Variants in RYR3 observed in about 807,000 individuals in gnomAD.
RYR3 encodes ryanodine receptor 3.
A neutral mutation model predicts 584.3 loss-of-function variants in RYR3; 207 were observed. The ratio of observed to expected loss-of-function variants is 0.35; its 90% CI spans 0.32 to 0.40. The LOEUF (loss-of-function observed/expected upper bound fraction) is 0.40. Ranked by LOEUF, RYR3 falls within the 10% of genes least tolerant of loss-of-function variation. The pLI is 1.00. For synonymous variants in RYR3, 2,416 were observed against 2,248.5 expected (o/e 1.07, Z -2.11); for missense variants, 5,616 against 6,089.2 (o/e 0.92, Z 2.59).
rs115753137 is a variant in RYR3 at position 33,374,645 on chromosome 15, T to C, written c.51+63549T>C. 9.3e-3 allele frequency among the ~76,000 whole-genome samples: 1,412 copies of C among 152,250 alleles called. 21 individuals are homozygous for C. Among genetic ancestry groups the C allele is most frequent in the African/African-American group, 0.031 (1,305 of 41,536 alleles). ...ATCTGGAAGCCTGAATTTAATCTCA[T>C]TGGGGTTTAAAAAAATGACAACACA... is the stretch of plus-strand genomic sequence containing the variant. On this transcript the variant is annotated intron_variant, in intron 1 of 103. Transcript: ENST00000634891.
intron 66 of RYR3, among the ~76,000 whole-genome samples, chr15:33,787,169 A>G (rs371093075): frequency 6.6e-6 from 1 of 152,186 alleles, no homozygotes; most frequent in East Asian, 1.9e-4. Flanking sequence ...CAGACAGGCT[A>G]CTTACTTCTT....
chr15:33,669,042 A>T (rs1337431452), intron 36 of RYR3, among the ~76,000 whole-genome samples: 1 of 152,156 alleles, frequency 6.6e-6, no homozygotes, highest in Non-Finnish European at 1.5e-5. Context: ...ATGTGATCCC[A>T]TTCTGTGCGT....
chr15:33,492,304 A>C (rs2051030273), intron 2 of RYR3, among the ~76,000 whole-genome samples: 1 of 152,120 alleles, frequency 6.6e-6, no homozygotes, highest in African/African-American at 2.4e-5. Context: ...AGATACAAGA[A>C]CTTTTTCCAT....
intron 43 of RYR3, among the ~76,000 whole-genome samples, chr15:33,709,659 T>C (rs4779636): frequency 0.08 from 12,252 of 152,234 alleles, 1,059 homozygotes; most frequent in African/African-American, 0.22. Context: ...TGCCATGTTA[T>C]GATGCAGTGA....
At chr15:33,698,083 C>A (rs1024692738) in intron 40 of RYR3, 87 bp downstream of exon 40, 2 of 878,978 alleles carry the variant, frequency 2.3e-6, no homozygotes, top group Non-Finnish European at 1.9e-6. Flanking sequence ...GGCTGGTGTC[C>A]CTTGCCTCAG....
intron 60 of RYR3, among the ~76,000 whole-genome samples, chr15:33,766,294 A>AAAG (rs1390899206): frequency 6.7e-6 from 1 of 150,310 alleles, no homozygotes; most frequent in Non-Finnish European, 1.5e-5. Context: ...AAAAGAAAAA[A>AAAG]AAAAAAAGAA....
intron 22 of RYR3, 22 bp from the exon 23 acceptor site, chr15:33,631,185 GTCT>G: frequency 6.8e-7 from 1 of 1,460,396 alleles, no homozygotes; most frequent in Non-Finnish European, 9.4e-7. Context: ...GTTAACCTTA[GTCT>G]TCTCCTTCTG....
intron 93 of RYR3, 130 bp from the exon 94 acceptor site, chr15:33,848,161 G>A (rs2078844168): frequency 8.9e-7 from 1 of 1,117,996 alleles, no homozygotes; most frequent in East Asian, 2.4e-5. Flanking sequence ...CCACAACTAG[G>A]CACTCTAAGA....
chr15:33,392,796 C>A (rs569464610), intron 1 of RYR3, among the ~76,000 whole-genome samples: 6 of 152,216 alleles, frequency 3.9e-5, no homozygotes, highest in Non-Finnish European at 7.4e-5. Context: ...AGAAACCCAA[C>A]TGGATGAAAT....
intron 98 of RYR3, among the ~76,000 whole-genome samples, chr15:33,855,412 C>CA (rs1226170342): frequency 6.6e-6 from 1 of 152,182 alleles, no homozygotes; most frequent in African/African-American, 2.4e-5. Flanking sequence ...CCATGTTGGC[C>CA]AGGCTGGTCT....
intron 1 of RYR3, among the ~76,000 whole-genome samples, chr15:33,417,719 T>C (rs1206999083): frequency 1.3e-5 from 2 of 152,182 alleles, no homozygotes; most frequent in African/African-American, 2.4e-5. Flanking sequence ...TCCAGTACTA[T>C]GTTGAATAAG....
intron 67 of RYR3, among the ~76,000 whole-genome samples, chr15:33,795,400 T>TTTTTTC (rs2075548030): frequency 9.9e-6 from 1 of 101,064 alleles, no homozygotes; most frequent in Non-Finnish European, 2.2e-5. Context: ...TTTTTTTTTT[T>TTTTTTC]TTGTGAGACA....
chr15:33,429,914 A>G (rs1475566393), intron 1 of RYR3, among the ~76,000 whole-genome samples: 1 of 152,206 alleles, frequency 6.6e-6, no homozygotes, highest in East Asian at 1.9e-4. Context: ...GAATAGCAGC[A>G]GGGGGAAAAA....
At chr15:33,753,161 A>G (rs550581930) in intron 57 of RYR3, among the ~76,000 whole-genome samples, 2 of 152,346 alleles carry the variant, frequency 1.3e-5, no homozygotes, top group African/African-American at 4.8e-5. Flanking sequence ...GGAAGCCTGC[A>G]ATTGCAGGTC....
At chr15:33,657,593 T>C (rs1351770891) in intron 32 of RYR3, among the ~76,000 whole-genome samples, 1 of 152,220 alleles carries the variant, frequency 6.6e-6, no homozygotes, top group East Asian at 1.9e-4. Flanking sequence ...TATTCATGTC[T>C]CATCACCATG....
chr15:33,608,343 T>A (rs1260524113), intron 18 of RYR3, among the ~76,000 whole-genome samples: 4 of 152,192 alleles, frequency 2.6e-5, no homozygotes, highest in Admixed American at 2.6e-4. Flanking sequence ...CTTGTCTAAA[T>A]GTGGAATACA....
At chr15:33,671,669 A>G (rs2063842041) in intron 38 of RYR3, among the ~76,000 whole-genome samples, 1 of 152,136 alleles carries the variant, frequency 6.6e-6, no homozygotes, top group Non-Finnish European at 1.5e-5. Context: ...CTAAAGCCAC[A>G]AAAACGTGAG....
chr15:33,371,858 T>C (rs1285380838), intron 1 of RYR3, among the ~76,000 whole-genome samples: 1 of 152,132 alleles, frequency 6.6e-6, no homozygotes, highest in Non-Finnish European at 1.5e-5. Flanking sequence ...GATGGGAGTT[T>C]TCAGAGGAGG....
At chr15:33,696,545 C>T in intron 39 of RYR3, 54 bp downstream of exon 39, 1 of 1,550,146 alleles carries the variant, frequency 6.5e-7, no homozygotes, top group Non-Finnish European at 8.8e-7. Context: ...AGTGGGAAAA[C>T]TGACTTACCT....
Sources: gnomAD v4.1 joint callset for allele counts (sites outside exome capture counted in the v4.1 genomes callset) on GRCh38, gnomAD v4.1.1 for gene constraint, MANE v1.5 for transcripts, NCBI Gene and HGNC (gene_info 2026-07-23, HGNC 2026-07-21) for gene names.